The following SOCS2 variants were observed in gnomAD, a reference collection of about 807,000 sequenced individuals.
SOCS2 encodes CIS-2.
In SOCS2, 10 loss-of-function variants were observed where a neutral mutation model predicts 18.6. The observed-to-expected ratio is 0.54, with a 90% CI of 0.33 to 0.91. The LOEUF is 0.91. Ranked by LOEUF, SOCS2 falls within the 40% of genes least tolerant of loss-of-function variation. SOCS2 has a pLI of 0.02. For missense variants in SOCS2, 231 were observed against 247.2 expected, an observed-to-expected ratio of 0.93 and a Z score of 0.44; for synonymous variants, 104 against 104.0, an observed-to-expected ratio of 1.00 and a Z score of 0.00.
At chr12:93,613,228 T>C in the SOCS2 span, among the ~76,000 whole-genome samples, 1 of 152,134 alleles carries the variant, frequency 6.6e-6, no homozygotes, top group Non-Finnish European at 1.5e-5. Context: ...ACAAAGCTTC[T>C]GTATAAATAG....
chr12:93,620,811 T>C, the SOCS2 span, among the ~76,000 whole-genome samples: 1 of 152,266 alleles, frequency 6.6e-6, no homozygotes, highest in Non-Finnish European at 1.5e-5. Flanking sequence ...AATTGTTAAC[T>C]ACACCAGATA....
At chr12:93,596,359 G>A in the SOCS2 span, among the ~76,000 whole-genome samples, 6 of 152,340 alleles carry the variant, frequency 3.9e-5, no homozygotes, top group Admixed American at 2.6e-4. Context: ...TGGCAGAGCC[G>A]AGATTTGAAT....
At chr12:93,624,967 C>A in the SOCS2 span, among the ~76,000 whole-genome samples, 1 of 152,196 alleles carries the variant, frequency 6.6e-6, no homozygotes, top group Non-Finnish European at 1.5e-5. Flanking sequence ...TATGAGCTAC[C>A]TTTAGAACAA....
rs78742602 is a variant in SOCS2, at chr12:93,582,200, G to A, written c.117-823G>A. On this transcript the variant is annotated intron_variant, in intron 1 of 1. Coordinates refer to the SOCS2 transcript ENST00000549510. Reference sequence around the variant, plus strand: ...TGGAAGGAGTCCTCAGACCTGCTGAGTGGGGAAGATCTTTTGGCTGAAAGG... The same window carrying A: ...TGGAAGGAGTCCTCAGACCTGCTGAATGGGGAAGATCTTTTGGCTGAAAGG... 2.7e-3 allele frequency among the ~76,000 whole-genome samples: 404 copies of A among 152,310 alleles called. 2 individuals carry two copies. Among genetic ancestry groups the A allele is most frequent in the African/African-American group, 8.8e-3 (366 of 41,570 alleles).
the SOCS2 span, among the ~76,000 whole-genome samples, chr12:93,605,758 A>G: frequency 6.6e-6 from 1 of 152,218 alleles, no homozygotes; most frequent in Non-Finnish European, 1.5e-5. Context: ...ATGTACTTCA[A>G]ATTGTGTCCT....
Position 93,575,238 on chromosome 12 carries a change from AAG to A in SOCS2, c.*63_*64del. ...AGTATCTCCGAATGCAGCTATGTAA[AAG>A]AGAACCAAAACTTGAGTGCTCTGGA... On this transcript the variant is annotated 3_prime_UTR_variant, in exon 2 of 2. Coordinates refer to ENST00000551556, the MANE Select transcript of SOCS2 (RefSeq NM_001270471.2). 7.1e-6 allele frequency: 9 copies of A among 1,264,446 alleles called. No individual in the cohort carries two copies. Among genetic ancestry groups the A allele is most frequent in the Non-Finnish European group, 9.7e-6 (9 of 929,860 alleles). 78.3% of individuals were successfully genotyped at this position (1,264,446 alleles called of 1,614,324 possible). A position where few individuals can be genotyped will look rare whatever the true frequency, so the allele number is the denominator to read the frequency against.
At chr12:93,571,694 C>T (rs925107013), upstream of SOCS2, 26 of 282,172 alleles carry the variant, frequency 9.2e-5, no homozygotes, top group East Asian at 2.0e-3. Flanking sequence ...TTTGTGTGCC[C>T]TCTGCGCACG....
chr12:93,616,713 G>C, the SOCS2 span, among the ~76,000 whole-genome samples: 1 of 152,110 alleles, frequency 6.6e-6, no homozygotes, highest in Admixed American at 6.6e-5. Flanking sequence ...GACGTGCTCC[G>C]GGGACAAGTG....
chr12:93,575,866 TCTTTTC>T lies in SOCS2; in HGVS notation c.*692_*697del, dbSNP rs1436208231. On this transcript the variant is annotated 3_prime_UTR_variant, in exon 2 of 2. Transcript: ENST00000551556. Reference sequence around the variant, plus strand: ...ACTGGTGCAAATGGAAAAGACTTTCTCTTTTCCTTTAAAGCTAAAGACAAGAATATC... The same window carrying T: ...ACTGGTGCAAATGGAAAAGACTTTCTCTTTAAAGCTAAAGACAAGAATATC... The T allele has an allele frequency of 6.6e-6, 1 of 152,670 alleles. No individual in the cohort carries two copies. Among genetic ancestry groups the T allele is most frequent in the East Asian group, 1.9e-4 (1 of 5,202 alleles). The allele number at this position is 152,670 out of a possible 1,614,324, so 9.5% of individuals were successfully genotyped here. A position where few individuals can be genotyped will look rare whatever the true frequency, so the allele number is the denominator to read the frequency against.
rs1387087041 is a variant in SOCS2, at chr12:93,572,920, C to A, written c.23C>A (p.Pro8His). The A allele has an allele frequency of 6.3e-7, 1 of 1,582,186 alleles. No individual in the cohort carries two copies. The highest frequency in any genetic ancestry group is 1.8e-5 in the Admixed American group (1 of 56,058). Residue 8 changes from proline to histidine, a missense_variant, in exon 1 of 2, where the codon CCC becomes CAC. Pro to His is a moderately conservative substitution (Grantham distance 77). Coordinates refer to ENST00000551556, the MANE Select transcript of SOCS2 (RefSeq NM_001270471.2). The surrounding 1 kb of genome is among the most constrained non-coding windows in gnomAD (Gnocchi z 5.0). ...CTCATGACCCTGCGGTGCCTTGAGC[C>A]CTCCGGGAATGGCGGGGAAGGGACG... MTLRCLE[P>H]SGNGGEGTRS...
chr12:93,609,826 A>G, the SOCS2 span, among the ~76,000 whole-genome samples: 1 of 152,218 alleles, frequency 6.6e-6, no homozygotes, highest in Non-Finnish European at 1.5e-5. Flanking sequence ...AGGGTCATTT[A>G]TAAAGAAAAG....
At chr12:93,608,308 G>A in the SOCS2 span, among the ~76,000 whole-genome samples, 1 of 151,960 alleles carries the variant, frequency 6.6e-6, no homozygotes, top group Non-Finnish European at 1.5e-5. Context: ...GCAATGTTAA[G>A]CTTTTATTAA....
the SOCS2 span, among the ~76,000 whole-genome samples, chr12:93,592,144 T>G: frequency 1.6e-4 from 24 of 152,332 alleles, no homozygotes; most frequent in Middle Eastern, 6.8e-3. Context: ...GTTCCAGAAT[T>G]TTTTTAATGC....
downstream of SOCS2, among the ~76,000 whole-genome samples, chr12:93,577,023 C>G (rs1173745408): frequency 6.6e-6 from 1 of 152,216 alleles, no homozygotes; most frequent in East Asian, 1.9e-4. Context: ...TTTGATTTTT[C>G]TGGCAAAACT....
the SOCS2 span, among the ~76,000 whole-genome samples, chr12:93,608,224 C>T: frequency 1.7e-3 from 261 of 151,842 alleles, no homozygotes; most frequent in African/African-American, 5.9e-3. Flanking sequence ...TGGTCTCGAA[C>T]TCCTGTCCTC....
chr12:93,620,284 T>C, the SOCS2 span, among the ~76,000 whole-genome samples: 35 of 152,378 alleles, frequency 2.3e-4, no homozygotes, highest in South Asian at 8.3e-4. Flanking sequence ...TTGATGGTAG[T>C]CTAATAGTCA....
Position 93,575,389 on chromosome 12 carries a change from C to A in SOCS2, c.*210C>A. The A allele has an allele frequency of 2.8e-6, 1 of 356,562 alleles. No individual in the cohort carries two copies. The highest frequency in any genetic ancestry group is 5.1e-6 in the Non-Finnish European group (1 of 197,360). 22.1% of individuals were successfully genotyped at this position (356,562 alleles called of 1,614,324 possible). ...TTTTACCTGAGTGATGCTTCCCTTC[C>A]TAAGGCTGACCAAGACCTGTTGATC... On this transcript the variant is annotated 3_prime_UTR_variant, in exon 2 of 2. Coordinates refer to ENST00000551556, the MANE Select transcript of SOCS2 (RefSeq NM_001270471.2).
the SOCS2 span, among the ~76,000 whole-genome samples, chr12:93,612,804 C>G: frequency 1.3e-5 from 2 of 152,146 alleles, no homozygotes; most frequent in African/African-American, 4.8e-5. Context: ...TATGCCCCAC[C>G]CTTCTCCTTT....
intron 1 of SOCS2, 121 bp downstream of exon 1, chr12:93,573,157 G>A (rs1252114123): frequency 9.2e-6 from 12 of 1,304,368 alleles, no homozygotes. Context: ...TGCTTCCAAG[G>A]GACCGCGGAG....
Sources: gnomAD v4.1 joint callset for allele counts (sites outside exome capture counted in the v4.1 genomes callset) on GRCh38, gnomAD v4.1.1 for gene constraint, Gnocchi (gnomAD v3.1) non-coding constraint, MANE v1.5 for transcripts, NCBI Gene and HGNC (gene_info 2026-07-23, HGNC 2026-07-21) for gene names.